Variants in ERG observed in about 807,000 individuals in gnomAD.
ERG encodes the protein ETS transcription factor ERG, also known as transcriptional regulator ERG.
A neutral mutation model predicts 55.3 loss-of-function variants in ERG; 9 were observed. The observed-to-expected ratio is 0.16, with a 90% CI of 0.10 to 0.28. The LOEUF is 0.28. Among genes scored for constraint, ERG ranks in the 10% least tolerant of loss-of-function variants. The probability of loss-of-function intolerance (pLI) is 1.00; values close to 1 mark genes in which losing one functional copy is unlikely to be tolerated. For missense variants in ERG, 434 were observed against 631.6 expected, an observed-to-expected ratio of 0.69 and a Z score of 3.35; for synonymous variants, 223 against 237.3, an observed-to-expected ratio of 0.94 and a Z score of 0.55.
intron 1 of ERG, among the ~76,000 whole-genome samples, chr21:38,489,405 T>C (rs769581136): frequency 1.2e-4 from 19 of 152,194 alleles, no homozygotes; most frequent in Non-Finnish European, 2.2e-4. Flanking sequence ...TAGAATGCTA[T>C]CCTAGCAACA....
chr21:38,583,885 C>T (rs780353383), intron 1 of ERG, among the ~76,000 whole-genome samples: 58 of 152,310 alleles, frequency 3.8e-4, no homozygotes, highest in African/African-American at 1.1e-3. Context: ...ATCCAGCCTC[C>T]GGAACGGTGA....
intron 1 of ERG, chr21:38,451,018 C>T: frequency 2.3e-6 from 1 of 432,366 alleles, no homozygotes; most frequent in South Asian, 1.7e-5. Context: ...GTAGACTGGC[C>T]ACTACCTGGC....
chr21:38,383,459 G>C lies in ERG; in HGVS notation c.1384C>G (p.Pro462Ala). ...YWNSPTGGIY[P>A]NTRLPTSHMP... is the part of the protein sequence containing the mutation. ...TGGCTGGTGGGGAGCCTAGTGTTGG[G>C]GTATATACCCCCAGTTGGTGAATTC... The change falls in exon 10 of 10, where the codon CCC becomes GCC. Residue 462 changes from proline to alanine, a missense_variant. Transcript: ENST00000288319. The surrounding 1 kb of genome is among the most constrained non-coding windows in gnomAD (Gnocchi z 5.7). 1 of 1,529,326 alleles carries C rather than the reference G, an allele frequency of 6.5e-7. No homozygotes were observed. The highest frequency in any genetic ancestry group is 1.8e-4 in the Middle Eastern group (1 of 5,634). The allele number at this position is 1,529,326 out of a possible 1,614,324, so 94.7% of individuals were successfully genotyped here. A position where few individuals can be genotyped will look rare whatever the true frequency, so the allele number is the denominator to read the frequency against.
intron 1 of ERG, among the ~76,000 whole-genome samples, chr21:38,655,563 C>T (rs2060513942): frequency 6.6e-6 from 1 of 152,188 alleles, no homozygotes; most frequent in African/African-American, 2.4e-5. Context: ...GTGTGGAACG[C>T]ACTTGGCTCC....
At chr21:38,501,776 C>T (rs751811901), upstream of ERG, among the ~76,000 whole-genome samples, 24 of 152,194 alleles carry the variant, frequency 1.6e-4, no homozygotes, top group Non-Finnish European at 3.1e-4. Flanking sequence ...CACACATTTC[C>T]CTTGCATGCT....
chr21:38,421,816 A>C (rs1423887995), intron 3 of ERG, among the ~76,000 whole-genome samples: 6 of 152,164 alleles, frequency 3.9e-5, no homozygotes, highest in Non-Finnish European at 8.8e-5. Context: ...CTTATGTTCC[A>C]TTCAGGGAAG....
chr21:38,524,831 G>C (rs923507477), intron 2 of ERG, among the ~76,000 whole-genome samples: 1 of 152,192 alleles, frequency 6.6e-6, no homozygotes, highest in Non-Finnish European at 1.5e-5. Context: ...AAGCCTGTAA[G>C]CAGAGATCAC....
At chr21:38,654,102 C>T (rs2060504225) in intron 1 of ERG, among the ~76,000 whole-genome samples, 1 of 152,220 alleles carries the variant, frequency 6.6e-6, no homozygotes, top group Admixed American at 6.5e-5. Context: ...CTTATATTTA[C>T]AAGCCTTAGA....
intron 2 of ERG, among the ~76,000 whole-genome samples, chr21:38,439,359 T>G (rs570640252): frequency 5.3e-5 from 8 of 152,304 alleles, no homozygotes; most frequent in African/African-American, 1.9e-4. Flanking sequence ...TATCATGACT[T>G]GAGCTTTGGG....
At chr21:38,396,297 C>T (rs937264091) in intron 6 of ERG, among the ~76,000 whole-genome samples, 2 of 152,184 alleles carry the variant, frequency 1.3e-5, no homozygotes, top group African/African-American at 4.8e-5. Context: ...CCCTTCTTGC[C>T]TAGGTTTGCA....
intron 3 of ERG, among the ~76,000 whole-genome samples, chr21:38,417,989 A>C (rs1486507847): frequency 6.6e-6 from 1 of 152,098 alleles, no homozygotes; most frequent in Non-Finnish European, 1.5e-5. Context: ...CAACACCTAA[A>C]GAGTAACAGT....
intron 2 of ERG, among the ~76,000 whole-genome samples, chr21:38,503,992 G>C (rs2059441206): frequency 6.6e-6 from 1 of 152,202 alleles, no homozygotes. Context: ...ACAACTATGT[G>C]AGTATGTGTG....
chr21:38,529,714 C>T (rs1292963892), intron 2 of ERG, among the ~76,000 whole-genome samples: 1 of 152,090 alleles, frequency 6.6e-6, no homozygotes, highest in Non-Finnish European at 1.5e-5. Flanking sequence ...CCTGTAATCC[C>T]AGCACTTTGG....
chr21:38,604,945 CT>C (rs2060187869), intron 1 of ERG, among the ~76,000 whole-genome samples: 1 of 152,194 alleles, frequency 6.6e-6, no homozygotes, highest in African/African-American at 2.4e-5. Flanking sequence ...TATTTCTTTT[CT>C]TGCTTGCTTC....
chr21:38,555,943 A>T (rs2059855695), intron 2 of ERG, among the ~76,000 whole-genome samples: 1 of 152,228 alleles, frequency 6.6e-6, no homozygotes, highest in African/African-American at 2.4e-5. Context: ...TAGAAATTCT[A>T]CTTATATGAT....
At chr21:38,438,299 A>G (rs2058809641) in intron 2 of ERG, among the ~76,000 whole-genome samples, 1 of 152,172 alleles carries the variant, frequency 6.6e-6, no homozygotes. Context: ...GTGTTTTCAT[A>G]AGTGGTCTGA....
intron 2 of ERG, among the ~76,000 whole-genome samples, chr21:38,572,365 C>CAAAAA (rs758324053): frequency 1.0e-4 from 7 of 66,962 alleles, no homozygotes; most frequent in African/African-American, 1.9e-4. Context: ...GAGACTCCAT[C>CAAAAA]AAAAAAAAAA....
intron 2 of ERG, among the ~76,000 whole-genome samples, chr21:38,555,888 T>G (rs1239341218): frequency 6.6e-6 from 1 of 152,186 alleles, no homozygotes; most frequent in Non-Finnish European, 1.5e-5. Flanking sequence ...GAAAGGAAAT[T>G]GGAAATATAT....
intron 2 of ERG, among the ~76,000 whole-genome samples, chr21:38,570,031 T>A (rs1325947982): frequency 1.3e-5 from 2 of 152,272 alleles, no homozygotes; most frequent in South Asian, 4.1e-4. Context: ...TGCTCATACA[T>A]ACCTCCTGGT....
Sources: allele counts gnomAD v4.1 joint callset (sites outside exome capture counted in the v4.1 genomes callset), GRCh38; gene constraint gnomAD v4.1.1; non-coding constraint Gnocchi (gnomAD v3.1); transcripts MANE v1.5; gene names NCBI Gene and HGNC (gene_info 2026-07-23, HGNC 2026-07-21).